The following COL4A2 variants were observed in gnomAD, a reference collection of about 807,000 sequenced individuals.
The protein encoded by COL4A2 is collagen alpha-2(IV) chain.
Under a neutral mutation model 200.2 loss-of-function variants are expected in COL4A2, and 99 were observed. The ratio of observed to expected loss-of-function variants is 0.49; its 90% CI spans 0.42 to 0.58. COL4A2 has a LOEUF of 0.58. Among genes scored for constraint, COL4A2 ranks in the 20% least tolerant of loss-of-function variants. The pLI, the probability that COL4A2 is intolerant of heterozygous loss-of-function variation, is 0.00. For missense variants in COL4A2, 1,950 were observed against 2,314.1 expected (o/e 0.84, Z 3.23); for synonymous variants, 897 against 900.6 (o/e 1.00, Z 0.07).
At chr13:110,511,644 T>C (rs1884082995) in intron 47 of COL4A2, among the ~76,000 whole-genome samples, 1 of 152,270 alleles carries the variant, frequency 6.6e-6, no homozygotes, top group Non-Finnish European at 1.5e-5. Flanking sequence ...TCGTATCTGC[T>C]GTCACGGCTC....
At position 110,424,736 on chromosome 13, in the gene COL4A2, T is replaced by C; in HGVS notation, c.183T>C (p.Gly61=). ...CQCYPEKGGR[G]QPGPVGPQGY... The stretch of plus-strand genomic sequence containing the variant: ...TTGAACCTTTGTTGTTCCCACAGGG[T>C]CAGCCTGGGCCAGTGGGCCCCCAGG... Residue 61 remains glycine (G), a splice_region_variant and synonymous_variant, in exon 5 of 48, where the codon GGT becomes GGC. Transcript: ENST00000360467. The C allele has an allele frequency of 6.2e-7, 1 of 1,601,324 alleles. No homozygotes were observed. The highest frequency in any genetic ancestry group is 1.1e-5 in the South Asian group (1 of 90,144).
At chr13:110,374,627 T>C (rs1012238206) in intron 4 of COL4A2, among the ~76,000 whole-genome samples, 23 of 152,202 alleles carry the variant, frequency 1.5e-4, no homozygotes, top group Admixed American at 1.4e-3. Context: ...TTTGGCTCTT[T>C]TTGCTTTCCT....
chr13:110,459,919 A>G (rs1881957310), intron 22 of COL4A2, among the ~76,000 whole-genome samples: 2 of 152,208 alleles, frequency 1.3e-5, no homozygotes, highest in Admixed American at 1.3e-4. Flanking sequence ...TGGACCCCAC[A>G]CACATCAGCT....
At chr13:110,499,665 C>A (rs1883577360) in intron 40 of COL4A2, among the ~76,000 whole-genome samples, 1 of 152,210 alleles carries the variant, frequency 6.6e-6, no homozygotes. Flanking sequence ...CTTCACGGAA[C>A]CCCTGTTAGT....
At chr13:110,457,476 C>A in intron 21 of COL4A2, 41 bp downstream of exon 21, 2 of 1,157,970 alleles carry the variant, frequency 1.7e-6, no homozygotes, top group Non-Finnish European at 2.6e-6. Flanking sequence ...ACAGCCTGGC[C>A]TTTCCAAGTC....
At chr13:110,482,081 C>G (rs1882953303) in intron 31 of COL4A2, among the ~76,000 whole-genome samples, 1 of 152,244 alleles carries the variant, frequency 6.6e-6, no homozygotes, top group Non-Finnish European at 1.5e-5. Flanking sequence ...GCTGGAGACA[C>G]CTTGACCTCT....
At chr13:110,397,252 C>T (rs1017027831) in intron 4 of COL4A2, among the ~76,000 whole-genome samples, 4 of 152,192 alleles carry the variant, frequency 2.6e-5, no homozygotes, top group Admixed American at 6.5e-5. Context: ...GACTTCTGCA[C>T]GGAGGTTCTG....
At position 110,307,968 on chromosome 13, in the gene COL4A2, TC is replaced by T; in HGVS notation, c.44+25del. The stretch of plus-strand genomic sequence containing the variant: ...CGGCGGTAAGCGACTTTCTGCCTGG[TC>T]CCCGTGGGTCACGCGCGCATGGACC... On this transcript the variant is annotated intron_variant, in intron 2 of 47. Coordinates refer to ENST00000360467, the MANE Select transcript of COL4A2 (RefSeq NM_001846.4). This position sits in a 1 kb window ranked among gnomAD's most constrained non-coding sequence, Gnocchi z 5.0. The T allele has an allele frequency of 6.2e-7, 1 of 1,612,136 alleles. No homozygotes were observed. Among genetic ancestry groups the T allele is most frequent in the Non-Finnish European group, 8.5e-7 (1 of 1,179,350 alleles).
chr13:110,492,329 A>G (rs975578407), intron 38 of COL4A2, 152 bp downstream of exon 38: 16 of 657,400 alleles, frequency 2.4e-5, no homozygotes, highest in Non-Finnish European at 4.2e-5. Flanking sequence ...GTCTGCACCA[A>G]CATAGCAGCA....
intron 16 of COL4A2, among the ~76,000 whole-genome samples, chr13:110,441,374 A>T (rs1346575098): frequency 6.6e-6 from 1 of 152,196 alleles, no homozygotes; most frequent in Non-Finnish European, 1.5e-5. Context: ...TTGACCCAGC[A>T]TTCTGCTTTT....
intron 4 of COL4A2, among the ~76,000 whole-genome samples, chr13:110,379,448 A>T (rs1878375205): frequency 6.6e-6 from 1 of 152,194 alleles, no homozygotes; most frequent in Admixed American, 6.5e-5. Flanking sequence ...TGTACTCAGC[A>T]AATACCTGAG....
In COL4A2 at chr13:110,371,831, C is replaced by G. The variant is rs181484995; in HGVS notation, c.180+14279C>G. Among the ~76,000 whole-genome samples the G allele has an allele frequency of 1.5e-4, 23 of 152,226 alleles. 1 individual carries two copies. Among genetic ancestry groups the G allele is most frequent in the Admixed American group, 1.4e-3 (22 of 15,288 alleles). On this transcript the variant is annotated intron_variant, in intron 4 of 47. Transcript: ENST00000360467. ...GCCTGGGGTCTGACGTTGGCCGTGC[C>G]GGGAGCTCATTGTCTTTCCGTCTCC...
chr13:110,333,686 T>G (rs1357336233), intron 3 of COL4A2, among the ~76,000 whole-genome samples: 3 of 152,198 alleles, frequency 2.0e-5, no homozygotes, highest in Non-Finnish European at 4.4e-5. Flanking sequence ...AATGTACAAC[T>G]TTTCATATCG....
chr13:110,365,633 C>T (rs1168517352), intron 4 of COL4A2, among the ~76,000 whole-genome samples: 1 of 152,196 alleles, frequency 6.6e-6, no homozygotes, highest in African/African-American at 2.4e-5. Flanking sequence ...CTACCCTTCT[C>T]TCTGAACCTG....
chr13:110,454,930 A>G (rs7320903), intron 20 of COL4A2, among the ~76,000 whole-genome samples: 54,528 of 151,358 alleles, frequency 0.36, 11,039 homozygotes, highest in Middle Eastern at 0.59. Context: ...CTGCCACCCC[A>G]CAGACCTCTC....
At chr13:110,359,801 T>G (rs1877439521) in intron 4 of COL4A2, among the ~76,000 whole-genome samples, 1 of 152,232 alleles carries the variant, frequency 6.6e-6, no homozygotes, top group Non-Finnish European at 1.5e-5. Context: ...GACTGATCAT[T>G]ATTTCACTGT....
At chr13:110,419,428 T>C (rs915430902) in intron 4 of COL4A2, among the ~76,000 whole-genome samples, 1 of 152,226 alleles carries the variant, frequency 6.6e-6, no homozygotes, top group Admixed American at 6.5e-5. Flanking sequence ...TTAAGGTTAA[T>C]GAACAATGAA....
At chr13:110,479,504 C>T (rs766540474) in intron 30 of COL4A2, among the ~76,000 whole-genome samples, 3 of 152,248 alleles carry the variant, frequency 2.0e-5, no homozygotes, top group African/African-American at 7.2e-5. Flanking sequence ...ATCCCCAAAC[C>T]GGCTGGGGAA....
At chr13:110,498,994 G>C (rs959187276) in intron 40 of COL4A2, among the ~76,000 whole-genome samples, 2 of 152,230 alleles carry the variant, frequency 1.3e-5, no homozygotes, top group African/African-American at 4.8e-5. Flanking sequence ...AGGTCCTGGA[G>C]GCCAGGGCAG....
Sources: gnomAD v4.1 joint callset for allele counts (sites outside exome capture counted in the v4.1 genomes callset) on GRCh38, gnomAD v4.1.1 for gene constraint, Gnocchi (gnomAD v3.1) non-coding constraint, MANE v1.5 for transcripts, NCBI Gene and HGNC (gene_info 2026-07-23, HGNC 2026-07-21) for gene names.